The following GPHN variants were observed in gnomAD, a reference collection of about 807,000 sequenced individuals.
GPHN encodes gephyrin.
Under a neutral mutation model 95.5 loss-of-function variants are expected in GPHN, and 17 were observed. The observed-to-expected ratio is 0.18, with a 90% CI of 0.12 to 0.27. The LOEUF (loss-of-function observed/expected upper bound fraction) is 0.27, where lower values mean the gene tolerates loss of function less well. Among genes scored for constraint, GPHN ranks in the 10% least tolerant of loss-of-function variants. GPHN has a pLI of 1.00. For missense variants in GPHN, 660 were observed against 978.1 expected (o/e 0.67, Z 4.34); for synonymous variants, 320 against 322.5 (o/e 0.99, Z 0.08).
the GPHN span, chr14:67,559,771 C>T: frequency 1.1e-6 from 1 of 889,844 alleles, no homozygotes; most frequent in South Asian, 1.4e-5. Context: ...CTGCCCCCTA[C>T]TGTCTAGGGT....
At chr14:67,516,346 TGCCGAG>T in the GPHN span, among the ~76,000 whole-genome samples, 1 of 152,104 alleles carries the variant, frequency 6.6e-6, no homozygotes, top group African/African-American at 2.4e-5. Context: ...ACCCTATGCA[TGCCGAG>T]GCCTGATCTG....
chr14:66,619,253 A>T (rs1489215231), intron 1 of GPHN, among the ~76,000 whole-genome samples: 4 of 152,168 alleles, frequency 2.6e-5, no homozygotes, highest in African/African-American at 9.6e-5. Context: ...TGTGAATGAA[A>T]TGGCTAGATC....
chr14:66,786,063 A>T (rs1296708871), intron 3 of GPHN, among the ~76,000 whole-genome samples: 1 of 152,058 alleles, frequency 6.6e-6, no homozygotes, highest in Non-Finnish European at 1.5e-5. Context: ...TGAAATAAAT[A>T]AAATTGAAAA....
chr14:66,708,837 C>T (rs2069346363), intron 2 of GPHN, among the ~76,000 whole-genome samples: 1 of 152,044 alleles, frequency 6.6e-6, no homozygotes, highest in Non-Finnish European at 1.5e-5. Context: ...TTGCATTTAG[C>T]AGCAAGTACG....
intron 1 of GPHN, among the ~76,000 whole-genome samples, chr14:66,564,376 A>G (rs1003051386): frequency 6.6e-6 from 1 of 152,160 alleles, no homozygotes; most frequent in East Asian, 1.9e-4. Flanking sequence ...AAAAAATTTT[A>G]TAAATTCAAT....
the GPHN span, among the ~76,000 whole-genome samples, chr14:67,400,805 T>C: frequency 1.3e-5 from 2 of 151,658 alleles, no homozygotes; most frequent in South Asian, 4.2e-4. Context: ...CTGGGCAACA[T>C]AGTGAAATGC....
the GPHN span, among the ~76,000 whole-genome samples, chr14:67,310,821 C>T: frequency 1.3e-5 from 2 of 151,924 alleles, no homozygotes; most frequent in South Asian, 4.1e-4. Context: ...TTTTAAAAAG[C>T]CATTTATCTG....
intron 20 of GPHN, among the ~76,000 whole-genome samples, chr14:67,166,188 A>G (rs150704140): frequency 6.6e-6 from 1 of 152,356 alleles, no homozygotes; most frequent in East Asian, 1.9e-4. Context: ...AGCATAAAAG[A>G]GATTAGATTT....
intron 1 of GPHN, among the ~76,000 whole-genome samples, chr14:66,628,029 T>C (rs2063588586): frequency 6.6e-6 from 1 of 152,102 alleles, no homozygotes; most frequent in African/African-American, 2.4e-5. Flanking sequence ...AAAGAGTCAG[T>C]CAGCTCTTGG....
chr14:67,565,361 A>C, the GPHN span, among the ~76,000 whole-genome samples: 1 of 152,142 alleles, frequency 6.6e-6, no homozygotes. Flanking sequence ...TTTCCACCCC[A>C]GCCTTCTGAG....
intron 17 of GPHN, among the ~76,000 whole-genome samples, chr14:67,124,426 A>G (rs528482750): frequency 2.6e-5 from 4 of 152,308 alleles, no homozygotes; most frequent in Non-Finnish European, 4.4e-5. Flanking sequence ...AAGAAGGGAA[A>G]GTAAAGCCAG....
At chr14:66,589,457 C>T (rs1368332628) in intron 1 of GPHN, among the ~76,000 whole-genome samples, 2 of 151,966 alleles carry the variant, frequency 1.3e-5, no homozygotes, top group African/African-American at 2.4e-5. Context: ...GATAAAGAGT[C>T]AGGACCCATT....
the GPHN span, among the ~76,000 whole-genome samples, chr14:67,323,393 T>C: frequency 6.6e-6 from 1 of 151,568 alleles, no homozygotes; most frequent in Non-Finnish European, 1.5e-5. Flanking sequence ...GGCAGGAGCA[T>C]TGCTTGAGGC....
rs148131749 is a variant in GPHN at position 66,733,909 on chromosome 14, T to A, written c.144-42555T>A. ...CCAAACCTGAGAAATATTCTTGGTT[T>A]TTTAGTATTTTTCCTTCATCACCAC... On this transcript the variant is annotated intron_variant, in intron 2 of 22. Transcript: ENST00000478722. Among the ~76,000 whole-genome samples the A allele has an allele frequency of 2.6e-3, 393 of 152,248 alleles. 2 individuals are homozygous for A. Among genetic ancestry groups the A allele is most frequent in the African/African-American group, 9.0e-3 (372 of 41,544 alleles).
intron 5 of GPHN, among the ~76,000 whole-genome samples, chr14:66,882,264 T>C (rs2063965805): frequency 6.6e-6 from 1 of 151,854 alleles, no homozygotes; most frequent in African/African-American, 2.4e-5. Flanking sequence ...TAGTAAGTAC[T>C]CAAAAAATGT....
the GPHN span, among the ~76,000 whole-genome samples, chr14:67,381,089 T>G: frequency 6.6e-6 from 1 of 152,228 alleles, no homozygotes; most frequent in South Asian, 2.1e-4. Flanking sequence ...ATGCGGAATT[T>G]TCTCCAACTA....
chr14:66,971,536 G>T (rs957260057), intron 9 of GPHN, among the ~76,000 whole-genome samples: 1 of 152,114 alleles, frequency 6.6e-6, no homozygotes, highest in Non-Finnish European at 1.5e-5. Flanking sequence ...ATGTTGTTCT[G>T]ATTGAAGAAT....
the GPHN span, chr14:67,392,432 G>T: frequency 1.2e-6 from 2 of 1,600,458 alleles, no homozygotes; most frequent in Admixed American, 1.7e-5. Context: ...CTCAGCCTAG[G>T]GGGAAGGAGG....
chr14:66,796,687 T>A (rs2060168923), intron 3 of GPHN, among the ~76,000 whole-genome samples: 1 of 152,046 alleles, frequency 6.6e-6, no homozygotes, highest in Admixed American at 6.6e-5. Context: ...TTTTTTCCTG[T>A]ACAGTTGTTG....
Sources: gnomAD v4.1 joint callset for allele counts (sites outside exome capture counted in the v4.1 genomes callset) on GRCh38, gnomAD v4.1.1 for gene constraint, MANE v1.5 for transcripts, NCBI Gene and HGNC (gene_info 2026-07-23, HGNC 2026-07-21) for gene names.